The following PET100 variants were observed in gnomAD, a reference collection of about 807,000 sequenced individuals.
The protein encoded by PET100 is protein PET100 homolog, mitochondrial.
A neutral mutation model predicts 13.6 loss-of-function variants in PET100; 13 were observed. That is an observed-to-expected ratio of 0.96 (90% CI 0.62 to 1.52). The LOEUF (loss-of-function observed/expected upper bound fraction) is 1.52. Among genes scored for constraint, PET100 ranks in the 40% most tolerant of loss-of-function variants. PET100 has a pLI of 0.00. For synonymous variants in PET100, 28 were observed against 30.8 expected (o/e 0.91, Z 0.30); for missense variants, 94 against 95.3 (o/e 0.99, Z 0.06).
intron 1 of PET100, 131 bp from the exon 2 acceptor site, chr19:7,630,442 G>C (rs561768096): frequency 5.6e-6 from 4 of 710,560 alleles, no homozygotes. Flanking sequence ...CTTGGTGGGA[G>C]TTCTGGGATT....
intron 3 of PET100, 64 bp from the exon 4 acceptor site, chr19:7,631,409 T>TGGGGGGGGGGGGGGGGGGGGG (rs1221264166): frequency 1.3e-5 from 8 of 639,574 alleles, no homozygotes; most frequent in East Asian, 4.4e-5. Context: ...CGGGGGGGGG[T>TGGGGGGGGGGGGGGGGGGGGG]GGTCCCGGCT....
At chr19:7,629,997 C>G in intron 1 of PET100, 137 bp downstream of exon 1, 1 of 1,131,726 alleles carries the variant, frequency 8.8e-7, no homozygotes, top group South Asian at 1.8e-5. Context: ...AGGAACCTTT[C>G]TGGTTGGAAA....
At chr19:7,630,874 G>A (rs1334722958) in intron 3 of PET100, 28 bp downstream of exon 3, 3 of 1,537,180 alleles carry the variant, frequency 2.0e-6, no homozygotes, top group Non-Finnish European at 2.6e-6. Flanking sequence ...CCTGCCAGAG[G>A]GATGGAGGAG....
Position 7,631,777 on chromosome 19 carries a change from C to A in PET100, c.*221C>A, listed in dbSNP as rs1851567598. On this transcript the variant is annotated 3_prime_UTR_variant, in exon 4 of 4. Coordinates refer to ENST00000594797, the MANE Select transcript of PET100 (RefSeq NM_001171155.2). ...CTGAGGGGTGAGCAGGGGTTGGGGA[C>A]TGAGGGTCCCAGCTCGTTTCTGTGC... The A allele has an allele frequency of 1.4e-6, 2 of 1,415,374 alleles. No individual in the cohort carries two copies. Among genetic ancestry groups the A allele is most frequent in the Non-Finnish European group, 1.9e-6 (2 of 1,080,220 alleles). The allele number at this position is 1,415,374 out of a possible 1,614,324, so 87.7% of individuals were successfully genotyped here. A position where few individuals can be genotyped will look rare whatever the true frequency, so the allele number is the denominator to read the frequency against.
rs2031284245 is a variant in PET100 at position 7,631,316 on chromosome 19, C to T, written c.139-157C>T. 6 of 1,409,180 alleles carry T rather than the reference C, an allele frequency of 4.3e-6. 1 individual carries two copies. Among genetic ancestry groups the T allele is most frequent in the Middle Eastern group, 5.2e-4 (2 of 3,848 alleles). The allele number at this position is 1,409,180 out of a possible 1,614,324, so 87.3% of individuals were successfully genotyped here. On this transcript the variant is annotated intron_variant, in intron 3 of 3. Transcript: ENST00000594797. The stretch of plus-strand genomic sequence containing the variant: ...AGAGTGAAGCGGATCCCACGCGGAC[C>T]CCTTTGTAATTGGCAGGGGGCTTCC...
Position 7,631,811 on chromosome 19 carries a change from G to T in PET100, c.*255G>T. Reference sequence around the variant, plus strand: ...CCAGCTCGTTTCTGTGCTCCGTCCTGTGGATGAAGAGGGGTCAGCCAGGGG... The same window carrying T: ...CCAGCTCGTTTCTGTGCTCCGTCCTTTGGATGAAGAGGGGTCAGCCAGGGG... On this transcript the variant is annotated 3_prime_UTR_variant, in exon 4 of 4. Coordinates refer to ENST00000594797, the MANE Select transcript of PET100 (RefSeq NM_001171155.2). The T allele has an allele frequency of 7.1e-7, 1 of 1,399,588 alleles. No individual in the cohort carries two copies. The highest frequency in any genetic ancestry group is 9.3e-7 in the Non-Finnish European group (1 of 1,071,472). 86.7% of individuals were successfully genotyped at this position (1,399,588 alleles called of 1,614,324 possible).
intron 2 of PET100, 30 bp from the exon 3 acceptor site, chr19:7,630,793 T>C: frequency 2.6e-6 from 4 of 1,537,228 alleles, no homozygotes; most frequent in Non-Finnish European, 3.5e-6. Flanking sequence ...GGCCTTTGGC[T>C]CGTGTCCCAT....
chr19:7,631,327 T>C, intron 3 of PET100, 146 bp from the exon 4 acceptor site: 1 of 1,389,772 alleles, frequency 7.2e-7, no homozygotes, highest in South Asian at 1.6e-5. Context: ...CCTTTGTAAT[T>C]GGCAGGGGGC....
At chr19:7,631,101 G>A (rs1165124034) in intron 3 of PET100, 3 of 742,188 alleles carry the variant, frequency 4.0e-6, no homozygotes, top group Non-Finnish European at 4.2e-6. Context: ...CCAGCTGCTT[G>A]GGAGGCTGAG....
Position 7,631,764 on chromosome 19 carries a change from C to G in PET100, c.*208C>G. The G allele has an allele frequency of 7.0e-7, 1 of 1,424,748 alleles. No homozygotes were observed. The highest frequency in any genetic ancestry group is 9.2e-7 in the Non-Finnish European group (1 of 1,085,426). 88.3% of individuals were successfully genotyped at this position (1,424,748 alleles called of 1,614,324 possible). On this transcript the variant is annotated 3_prime_UTR_variant, in exon 4 of 4. Transcript: ENST00000594797. ...GAGCGGTCGGGTCCTGAGGGGTGAG[C>G]AGGGGTTGGGGACTGAGGGTCCCAG...
chr19:7,631,488 G>T lies in PET100; in HGVS notation c.154G>T (p.Glu52Ter). Reference protein sequence around the residue: ...WPPEKLQEIEEFKERLRKRRE... With the variant: ...WPPEKLQEIE The stretch of plus-strand genomic sequence containing the variant: ...CCACCCCTAGCTTCAAGAGATAGAG[G>T]AATTCAAAGAGAGGTTACGGAAGCG... Residue 52 changes from glutamate to a stop codon, truncating the protein, a stop_gained, in exon 4 of 4, where the codon GAA (glutamate) becomes TAA (stop). Transcript: ENST00000594797. LOFTEE classifies it high-confidence loss of function. The T allele has an allele frequency of 1.3e-6, 2 of 1,536,504 alleles. No individual in the cohort carries two copies. The highest frequency in any genetic ancestry group is 1.7e-6 in the Non-Finnish European group (2 of 1,146,774).
intron 3 of PET100, chr19:7,631,067 G>A (rs1176334843): frequency 4.0e-6 from 3 of 744,932 alleles, no homozygotes; most frequent in Non-Finnish European, 4.2e-6. Flanking sequence ...ACTTAGCCAG[G>A]CATGGTGGCA....
intron 1 of PET100, chr19:7,630,366 G>A (rs1047059256): frequency 1.7e-6 from 1 of 590,094 alleles, no homozygotes. Flanking sequence ...AGCTCAGAGG[G>A]AACTTTCAGG....
At position 7,630,728 on chromosome 19, in the gene PET100, G is replaced by A. The variant is rs950914944; in HGVS notation, c.114+69G>A. 37 of 1,531,574 alleles carry A rather than the reference G, an allele frequency of 2.4e-5. No homozygotes were observed. In the South Asian group the frequency reaches 3.6e-4, roughly 15 times the overall value. The allele number at this position is 1,531,574 out of a possible 1,614,324, so 94.9% of individuals were successfully genotyped here. On this transcript the variant is annotated intron_variant, in intron 2 of 3. Transcript: ENST00000594797. ...AGAGGGTGTGGGGCAGCAGTCTGCT[G>A]GGGACTAATGTCTGCCTCCCATAAG...
At chr19:7,629,952 A>T in intron 1 of PET100, 92 bp downstream of exon 1, 2 of 1,370,778 alleles carry the variant, frequency 1.5e-6, no homozygotes, top group South Asian at 3.0e-5. Context: ...TCAAAGGAAG[A>T]GGGAGCTCCA....
chr19:7,630,505 C>A (rs1427167109), intron 1 of PET100, 68 bp from the exon 2 acceptor site: 3 of 1,290,804 alleles, frequency 2.3e-6, no homozygotes, highest in Non-Finnish European at 3.3e-6. Flanking sequence ...GATGGGTCCC[C>A]CAGGCTCTGA....
chr19:7,629,888 G>A, intron 1 of PET100, 28 bp downstream of exon 1: 6 of 1,516,106 alleles, frequency 4.0e-6, no homozygotes, highest in Non-Finnish European at 5.3e-6. Context: ...TGGGTTGGGA[G>A]GCTGGGCAGG....
intron 3 of PET100, 88 bp downstream of exon 3, chr19:7,630,934 G>T: frequency 1.4e-6 from 2 of 1,476,692 alleles, no homozygotes; most frequent in South Asian, 2.4e-5. Context: ...TTTAGGCCAG[G>T]CGCAGTGGCT....
intron 1 of PET100, 149 bp downstream of exon 1, chr19:7,630,009 C>A: frequency 9.8e-7 from 1 of 1,023,922 alleles, no homozygotes; most frequent in Non-Finnish European, 1.3e-6. Context: ...GGTTGGAAAT[C>A]CAGGAGAGGG....
Sources: allele counts gnomAD v4.1 joint callset, GRCh38; gene constraint gnomAD v4.1.1; transcripts MANE v1.5; gene names NCBI Gene and HGNC (gene_info 2026-07-23, HGNC 2026-07-21).